Variants in PCDHGA3 observed in about 807,000 individuals in gnomAD.
The protein encoded by PCDHGA3 is protocadherin gamma-A3.
Under a neutral mutation model 58.5 loss-of-function variants are expected in PCDHGA3, and 40 were observed. The ratio of observed to expected loss-of-function variants is 0.68; its 90% confidence interval spans 0.53 to 0.89. The LOEUF (loss-of-function observed/expected upper bound fraction) is 0.89, where lower values mean the gene tolerates loss of function less well. PCDHGA3 is among the 40% of genes least tolerant of loss of function. The pLI, the probability that PCDHGA3 is intolerant of heterozygous loss-of-function variation, is 0.00. For synonymous variants in PCDHGA3, 530 were observed against 525.7 expected, an observed-to-expected ratio of 1.01 and a Z score of -0.11; for missense variants, 1,223 against 1,195.9, an observed-to-expected ratio of 1.02 and a Z score of -0.33.
rs761126985 is a variant in PCDHGA3 at position 141,431,245 on chromosome 5, C to G, written c.2425-63562C>G. ...TACCCCACGCCTGGGATCCGGATAT[C>G]GGGAAGAACTCTCTGCAGAGCTACG... is the stretch of plus-strand genomic sequence containing the variant. On this transcript the variant is annotated intron_variant, in intron 1 of 3. Transcript: ENST00000253812. This position sits in a 1 kb window ranked among gnomAD's most constrained non-coding sequence, Gnocchi z 4.8. 1.2e-6 allele frequency: 2 copies of G among 1,614,016 alleles called. No homozygotes were observed. Among genetic ancestry groups the G allele is most frequent in the Non-Finnish European group, 1.7e-6 (2 of 1,180,046 alleles).
chr5:141,487,435 A>G lies in PCDHGA3; in HGVS notation c.2425-7372A>G, dbSNP rs776328527. On this transcript the variant is annotated intron_variant, in intron 1 of 3. Transcript: ENST00000253812. The surrounding 1 kb of genome is among the most constrained non-coding windows in gnomAD (Gnocchi z 5.0). ...CCAATGGGATCCTCCGAATCCAGCT[A>G]GGGTCAGATGACCCTATCAAGTTTG... 3.7e-6 allele frequency: 6 copies of G among 1,614,164 alleles called. No individual in the cohort carries two copies. In the South Asian group the frequency reaches 6.6e-5, roughly 18 times the overall value.
chr5:141,390,749 ACT>A (rs2092225079), intron 1 of PCDHGA3: 1 of 170,960 alleles, frequency 5.8e-6, no homozygotes, highest in Admixed American at 5.7e-5. Flanking sequence ...ATAGTAGTCC[ACT>A]GTTTTGTTTC....
chr5:141,420,336 T>C, intron 1 of PCDHGA3: 1 of 1,399,186 alleles, frequency 7.1e-7, no homozygotes, highest in East Asian at 2.5e-5. Flanking sequence ...TATTCCAATA[T>C]AGTGGTATTA....
Position 141,491,094 on chromosome 5 carries a change from G to C in PCDHGA3, c.2425-3713G>C, listed in dbSNP as rs1240705650. The C allele has an allele frequency of 1.9e-6, 3 of 1,614,202 alleles. No homozygotes were observed. Among genetic ancestry groups the C allele is most frequent in the Non-Finnish European group, 2.5e-6 (3 of 1,180,030 alleles). On this transcript the variant is annotated intron_variant, in intron 1 of 3. Coordinates refer to ENST00000253812, the MANE Select transcript of PCDHGA3 (RefSeq NM_018916.4). The surrounding 1 kb of genome is among the most constrained non-coding windows in gnomAD (Gnocchi z 6.9). The stretch of plus-strand genomic sequence containing the variant: ...TGCCACAGTCCACAGCCCCAGGACT[G>C]TTCCTCGTGTCTACACACACTGGTG...
Position 141,432,826 on chromosome 5 carries a change from CACTCTGTACCT to C in PCDHGA3, c.2425-61980_2425-61970del, listed in dbSNP as rs1251102522. 6.2e-7 allele frequency: 1 copy of C among 1,614,096 alleles called. No homozygotes were observed. Among genetic ancestry groups the C allele is most frequent in the Non-Finnish European group, 8.5e-7 (1 of 1,180,020 alleles). On this transcript the variant is annotated intron_variant, in intron 1 of 3. Coordinates refer to ENST00000253812, the MANE Select transcript of PCDHGA3 (RefSeq NM_018916.4). This position sits in a 1 kb window ranked among gnomAD's most constrained non-coding sequence, Gnocchi z 6.0. Reference sequence around the variant, plus strand: ...CAGCTAACTCTGAAACCTCAGACCTCACTCTGTACCTGGTGGTAGCGGTGGCCGCGGTCTCC... The same window carrying C: ...CAGCTAACTCTGAAACCTCAGACCTCGGTGGTAGCGGTGGCCGCGGTCTCC...
At chr5:141,414,320 A>C (rs372261571) in intron 1 of PCDHGA3, 7 of 1,613,840 alleles carry the variant, frequency 4.3e-6, no homozygotes, top group Non-Finnish European at 5.9e-6. Flanking sequence ...GACTCTGAGC[A>C]GAATGGACAG....
chr5:141,345,502 C>A lies in PCDHGA3; in HGVS notation c.1469C>A (p.Ala490Glu). The A allele has an allele frequency of 1.2e-6, 2 of 1,614,192 alleles. No individual in the cohort carries two copies. Among genetic ancestry groups the A allele is most frequent in the Non-Finnish European group, 1.7e-6 (2 of 1,180,016 alleles). The stretch of plus-strand genomic sequence containing the variant: ...AACAACAACGCCCGCATCACTTATG[C>A]ATTGACCGAGGACACTCTCCAGGGG... ...DSNNNARITY[A>E]LTEDTLQGAP... The change falls in exon 1 of 4, where the codon GCA becomes GAA. Residue 490 changes from alanine to glutamate, a missense_variant. Ala to Glu is a moderately radical substitution (Grantham distance 107, BLOSUM62 -1). Around this residue, in one of 3 missense-constraint regions of PCDHGA3, gnomAD observed 791 missense variants for 708.5 expected, o/e 1.12. Transcript: ENST00000253812.
intron 1 of PCDHGA3, chr5:141,423,110 G>C: frequency 6.2e-7 from 1 of 1,613,842 alleles, no homozygotes; most frequent in Non-Finnish European, 8.5e-7. Context: ...GGCGAGGTGC[G>C]TACAGCGCGG....
chr5:141,373,819 A>G, intron 1 of PCDHGA3: 1 of 365,074 alleles, frequency 2.7e-6, no homozygotes, highest in Non-Finnish European at 4.9e-6. Context: ...GTTTCACAAA[A>G]CGATGCAGTA....
At chr5:141,469,306 A>G in intron 1 of PCDHGA3, among the ~76,000 whole-genome samples, 1 of 150,500 alleles carries the variant, frequency 6.6e-6, no homozygotes, top group South Asian at 2.1e-4. Flanking sequence ...ACTGGGCACG[A>G]TGGCTCACGC....
intron 1 of PCDHGA3, chr5:141,390,100 C>G: frequency 6.2e-7 from 1 of 1,614,060 alleles, no homozygotes; most frequent in South Asian, 1.1e-5. Context: ...GTGGTTCCCC[C>G]CAACTACAGC....
chr5:141,476,062 A>G lies in PCDHGA3; in HGVS notation c.2425-18745A>G, dbSNP rs2099384587. On this transcript the variant is annotated intron_variant, in intron 1 of 3. Coordinates refer to ENST00000253812, the MANE Select transcript of PCDHGA3 (RefSeq NM_018916.4). This position sits in a 1 kb window ranked among gnomAD's most constrained non-coding sequence, Gnocchi z 7.6. ...AGCGCTAACCCGCTGAAAGTTTCTC[A>G]GCGAAATCTCAGGGACGATCTGGAC... The G allele has an allele frequency of 1.8e-5, 27 of 1,509,766 alleles. No individual in the cohort carries two copies. Among genetic ancestry groups the G allele is most frequent in the Non-Finnish European group, 2.3e-5 (26 of 1,136,920 alleles). The allele number at this position is 1,509,766 out of a possible 1,614,324, so 93.5% of individuals were successfully genotyped here.
At chr5:141,467,699 T>A (rs1368755814) in intron 1 of PCDHGA3, among the ~76,000 whole-genome samples, 1 of 152,194 alleles carries the variant, frequency 6.6e-6, no homozygotes, top group Non-Finnish European at 1.5e-5. Context: ...TCTGGCTCTG[T>A]TGCCCAGGCT....
chr5:141,351,572 A>T (rs561261966), intron 1 of PCDHGA3: 1 of 1,614,024 alleles, frequency 6.2e-7, no homozygotes, highest in Non-Finnish European at 8.5e-7. Flanking sequence ...CACCCTGCAC[A>T]TCTCCGACAT....
chr5:141,421,970 A>C, intron 1 of PCDHGA3: 1 of 1,610,928 alleles, frequency 6.2e-7, no homozygotes, highest in Middle Eastern at 1.7e-4. Flanking sequence ...CAGTCCGTAT[A>C]TCGCGTGAGT....
chr5:141,368,944 T>G (rs1765945640), intron 1 of PCDHGA3, among the ~76,000 whole-genome samples: 5 of 152,236 alleles, frequency 3.3e-5, no homozygotes, highest in Admixed American at 3.3e-4. Context: ...TTCTGGTTAC[T>G]GTGAGTAGTT....
rs760855582 is a variant in PCDHGA3, at chr5:141,362,235, A to AG, written c.2424+15779dup. 73 of 1,613,734 alleles carry AG rather than the reference A, an allele frequency of 4.5e-5. 1 individual carries two copies. The Middle Eastern group carries it at 5.9e-3, about 131-fold the overall frequency. Reference sequence around the variant, plus strand: ...TGGTTGTGGCCTTGGCCTTGATCTCAGTGCTCTTCTTCCTCGCGGTGATTC... The same window carrying AG: ...TGGTTGTGGCCTTGGCCTTGATCTCAGGTGCTCTTCTTCCTCGCGGTGATTC... On this transcript the variant is annotated intron_variant, in intron 1 of 3. Coordinates refer to ENST00000253812, the MANE Select transcript of PCDHGA3 (RefSeq NM_018916.4).
At chr5:141,466,556 T>C (rs1398776914) in intron 1 of PCDHGA3, among the ~76,000 whole-genome samples, 1 of 152,222 alleles carries the variant, frequency 6.6e-6, no homozygotes, top group Non-Finnish European at 1.5e-5. Context: ...TGCTGTGGGC[T>C]TCATCTTCAA....
Position 141,432,097 on chromosome 5 carries a change from C to T in PCDHGA3, c.2425-62710C>T, listed in dbSNP as rs1428283489. The stretch of plus-strand genomic sequence containing the variant: ...TCTCGCTGAACGTGGCAGACACCAA[C>T]GACAACCCGCCGGTCTTCCCTCAGG... On this transcript the variant is annotated intron_variant, in intron 1 of 3. Transcript: ENST00000253812. This position sits in a 1 kb window ranked among gnomAD's most constrained non-coding sequence, Gnocchi z 6.0. 6 of 1,614,066 alleles carry T rather than the reference C, an allele frequency of 3.7e-6. No individual in the cohort carries two copies. The highest frequency in any genetic ancestry group is 2.7e-5 in the African/African-American group (2 of 74,920).
Sources: allele counts gnomAD v4.1 joint callset (sites outside exome capture counted in the v4.1 genomes callset), GRCh38; gene constraint gnomAD v4.1.1; regional missense constraint gnomAD v4.1.1; non-coding constraint Gnocchi (gnomAD v3.1); transcripts MANE v1.5; gene names NCBI Gene and HGNC (gene_info 2026-07-23, HGNC 2026-07-21).